Variants in DLGAP1 observed in about 807,000 individuals in gnomAD.
The protein encoded by DLGAP1 is DLG associated protein 1.
In DLGAP1, 11 loss-of-function variants were observed where a neutral mutation model predicts 90.8. That is an observed-to-expected ratio of 0.12 (90% CI 0.08 to 0.20). DLGAP1 has a LOEUF of 0.20. Ranked by LOEUF, DLGAP1 falls within the 10% of genes least tolerant of loss-of-function variation. The probability of loss-of-function intolerance (pLI) is 1.00; values close to 1 mark genes in which losing one functional copy is unlikely to be tolerated. For missense variants in DLGAP1, 1,050 were observed against 1,333.8 expected, an observed-to-expected ratio of 0.79 and a Z score of 3.31; for synonymous variants, 558 against 540.7, an observed-to-expected ratio of 1.03 and a Z score of -0.44.
At position 4,446,939 on chromosome 18, in the gene DLGAP1, T is replaced by C. The variant is rs113176971; in HGVS notation, c.-267+8067A>G. On this transcript the variant is annotated intron_variant, in intron 1 of 12. Transcript: ENST00000315677. ...AAGAGAGGGAATAAATCATCAACATTACCAGGAGACATGGAAGAACAAATT... is the reference window on the plus strand; with the variant it reads ...AAGAGAGGGAATAAATCATCAACATCACCAGGAGACATGGAAGAACAAATT... 9.7e-3 allele frequency among the ~76,000 whole-genome samples: 1,476 copies of C among 152,268 alleles called. 25 individuals are homozygous for C. The highest frequency in any genetic ancestry group is 0.034 in the African/African-American group (1,423 of 41,566).
At chr18:3,867,112 A>T (rs1256905692) in intron 4 of DLGAP1, among the ~76,000 whole-genome samples, 2 of 152,160 alleles carry the variant, frequency 1.3e-5, no homozygotes, top group African/African-American at 4.8e-5. Flanking sequence ...TTGGCCTCCC[A>T]AAGTGCTGGG....
intron 2 of DLGAP1, among the ~76,000 whole-genome samples, chr18:4,083,897 T>C (rs2075646790): frequency 1.3e-5 from 2 of 152,146 alleles, no homozygotes; most frequent in South Asian, 4.2e-4. Flanking sequence ...ATTAGCTCAA[T>C]GAGACCCTCT....
chr18:3,708,386 C>G (rs1389583713), intron 7 of DLGAP1: 3 of 455,804 alleles, frequency 6.6e-6, no homozygotes, highest in East Asian at 1.4e-4. Context: ...GTGAATTCAC[C>G]AAGTTGAAGT....
At chr18:3,533,200 G>T (rs1464155325) in intron 10 of DLGAP1, among the ~76,000 whole-genome samples, 1 of 152,158 alleles carries the variant, frequency 6.6e-6, no homozygotes, top group Admixed American at 6.6e-5. Context: ...TCAAGGCTGG[G>T]GTGAGCCATG....
chr18:3,945,810 C>G (rs1196696609), intron 3 of DLGAP1, among the ~76,000 whole-genome samples: 1 of 151,992 alleles, frequency 6.6e-6, no homozygotes, highest in Non-Finnish European at 1.5e-5. Context: ...AGTTAATATG[C>G]TCTTTAAAGC....
chr18:4,338,339 C>T lies in DLGAP1; in HGVS notation c.-267+116667G>A, dbSNP rs538085970. On this transcript the variant is annotated intron_variant, in intron 1 of 12. Transcript: ENST00000315677. ...TGTTTATTGAGATATTTCCAAAATC[C>T]AGAAAGGTGCTGAGTACATAGTACA... Among the ~76,000 whole-genome samples, 228 of 152,188 alleles carry T rather than the reference C, an allele frequency of 1.5e-3. 2 individuals are homozygous for T. The highest frequency in any genetic ancestry group is 5.3e-3 in the African/African-American group (219 of 41,522).
chr18:3,568,311 C>T (rs1335372629), intron 8 of DLGAP1, among the ~76,000 whole-genome samples: 1 of 148,596 alleles, frequency 6.7e-6, no homozygotes, highest in Non-Finnish European at 1.5e-5. Context: ...TTAAGATAAA[C>T]TATAGAGTGT....
chr18:3,917,970 G>A (rs1332574972), intron 3 of DLGAP1, among the ~76,000 whole-genome samples: 2 of 152,294 alleles, frequency 1.3e-5, no homozygotes, highest in East Asian at 1.9e-4. Context: ...TCAAGGAGCC[G>A]CTGTACCCCA....
intron 7 of DLGAP1, among the ~76,000 whole-genome samples, chr18:3,641,214 G>A (rs1414583069): frequency 6.6e-6 from 1 of 151,478 alleles, no homozygotes; most frequent in African/African-American, 2.4e-5. Flanking sequence ...ATTAATTAAT[G>A]TATATTATGA....
At chr18:3,574,782 T>G (rs2055010201) in intron 8 of DLGAP1, among the ~76,000 whole-genome samples, 1 of 64,566 alleles carries the variant, frequency 1.5e-5, no homozygotes, top group Non-Finnish European at 2.6e-5. Context: ...ATGTGCCTTT[T>G]TATTTTATTT....
chr18:4,238,575 G>A (rs1360441529), intron 1 of DLGAP1, among the ~76,000 whole-genome samples: 1 of 151,948 alleles, frequency 6.6e-6, no homozygotes, highest in Non-Finnish European at 1.5e-5. Flanking sequence ...TCGATTTTTG[G>A]TATCCTTCCT....
intron 2 of DLGAP1, among the ~76,000 whole-genome samples, chr18:4,022,237 A>G (rs936001253): frequency 6.6e-6 from 1 of 151,932 alleles, no homozygotes; most frequent in Non-Finnish European, 1.5e-5. Context: ...ATATTTTATT[A>G]TCGTCAATCC....
chr18:3,647,066 C>T (rs1341371360), intron 7 of DLGAP1, among the ~76,000 whole-genome samples: 2 of 151,978 alleles, frequency 1.3e-5, no homozygotes, highest in South Asian at 2.1e-4. Context: ...CTGACCAACA[C>T]GGTGAAACCC....
At chr18:4,240,697 A>G (rs1208447940) in intron 1 of DLGAP1, among the ~76,000 whole-genome samples, 1 of 152,220 alleles carries the variant, frequency 6.6e-6, no homozygotes, top group Non-Finnish European at 1.5e-5. Flanking sequence ...TCCAGTTATG[A>G]TCCATAGAAA....
At chr18:3,765,329 A>G (rs1186233367) in intron 5 of DLGAP1, among the ~76,000 whole-genome samples, 1 of 149,106 alleles carries the variant, frequency 6.7e-6, no homozygotes, top group Non-Finnish European at 1.5e-5. Context: ...ATGGGGTTTC[A>G]CCATGTTAGC....
At chr18:4,031,754 G>C (rs1377573044) in intron 2 of DLGAP1, among the ~76,000 whole-genome samples, 2 of 152,090 alleles carry the variant, frequency 1.3e-5, no homozygotes, top group Non-Finnish European at 2.9e-5. Flanking sequence ...TTTTACCATA[G>C]GAAATGATTG....
Position 4,170,025 on chromosome 18 carries a change from C to CA in DLGAP1, c.-266-18739dup, listed in dbSNP as rs570692387. 7.2e-5 allele frequency among the ~76,000 whole-genome samples: 11 copies of CA among 152,204 alleles called. No individual in the cohort carries two copies. The East Asian group carries it at 2.1e-3, about 29-fold the overall frequency. Reference sequence around the variant, plus strand: ...CAATGCAGTGAGGGATGGGCGGGGACAGACTGTTAGGGACTATTTAAGAGA... The same window carrying CA: ...CAATGCAGTGAGGGATGGGCGGGGACAAGACTGTTAGGGACTATTTAAGAGA... On this transcript the variant is annotated intron_variant, in intron 1 of 12. Coordinates refer to ENST00000315677, the MANE Select transcript of DLGAP1 (RefSeq NM_004746.4).
At chr18:3,567,897 T>C (rs1219643200) in intron 8 of DLGAP1, among the ~76,000 whole-genome samples, 1 of 152,134 alleles carries the variant, frequency 6.6e-6, no homozygotes, top group African/African-American at 2.4e-5. Flanking sequence ...TGGAAATGTG[T>C]TCTTGGAAGT....
chr18:4,204,286 T>C (rs1335112438), intron 1 of DLGAP1, among the ~76,000 whole-genome samples: 1 of 152,226 alleles, frequency 6.6e-6, no homozygotes, highest in Non-Finnish European at 1.5e-5. Flanking sequence ...ACACAGCAGA[T>C]TGCTTCGCTT....
Sources: allele counts gnomAD v4.1 joint callset (sites outside exome capture counted in the v4.1 genomes callset), GRCh38; gene constraint gnomAD v4.1.1; transcripts MANE v1.5; gene names NCBI Gene and HGNC (gene_info 2026-07-23, HGNC 2026-07-21).